Variants in FBXL4 observed in about 807,000 individuals in gnomAD.
FBXL4 encodes the protein F-box/LRR-repeat protein 4.
FBXL4 carries 40 observed loss-of-function variants against 58.9 expected under a neutral mutation model. The observed-to-expected ratio is 0.68, with a 90% CI of 0.53 to 0.88. The LOEUF is 0.88. Ranked by LOEUF, FBXL4 falls within the 40% of genes least tolerant of loss-of-function variation. The pLI is 0.00. For missense variants in FBXL4, 676 were observed against 734.4 expected, an observed-to-expected ratio of 0.92 and a Z score of 0.92; for synonymous variants, 263 against 265.5, an observed-to-expected ratio of 0.99 and a Z score of 0.09.
chr6:98,911,352 A>G (rs548956650), intron 5 of FBXL4, among the ~76,000 whole-genome samples: 1 of 152,264 alleles, frequency 6.6e-6, no homozygotes, highest in Non-Finnish European at 1.5e-5. Context: ...GCAGCTGGAG[A>G]TCTGAGAACG....
At chr6:98,876,649 A>G (rs560120691) in intron 8 of FBXL4, among the ~76,000 whole-genome samples, 1 of 152,198 alleles carries the variant, frequency 6.6e-6, no homozygotes, top group South Asian at 2.1e-4. Context: ...AAATACATTC[A>G]AAGAGTGACA....
chr6:98,922,649 T>C (rs1030215783), intron 4 of FBXL4, among the ~76,000 whole-genome samples: 3 of 152,206 alleles, frequency 2.0e-5, no homozygotes, highest in Non-Finnish European at 2.9e-5. Flanking sequence ...ACTGAGTTGC[T>C]TGAGTAATCA....
chr6:98,904,485 T>G (rs1419138387), intron 6 of FBXL4, among the ~76,000 whole-genome samples: 6 of 152,182 alleles, frequency 3.9e-5, no homozygotes, highest in African/African-American at 1.4e-4. Flanking sequence ...AAATCTTTAT[T>G]TCTGGAACTG....
rs1770420529 is a variant in FBXL4 at position 98,868,822 on chromosome 6, T to C, written c.*5456A>G. The C allele has an allele frequency of 6.6e-6, 1 of 152,230 alleles. No individual in the cohort carries two copies. Among genetic ancestry groups the C allele is most frequent in the African/African-American group, 2.4e-5 (1 of 41,462 alleles). 9.4% of individuals were successfully genotyped at this position (152,230 alleles called of 1,614,324 possible). On this transcript the variant is annotated 3_prime_UTR_variant, in exon 10 of 10. Coordinates refer to ENST00000369244, the MANE Select transcript of FBXL4 (RefSeq NM_001278716.2). ...TTAAAATATCCCTAAATGTCAATTT[T>C]AGCAGGACTACCTTTTTCCTTTCAA...
chr6:98,896,841 T>C, intron 7 of FBXL4: 3 of 984,956 alleles, frequency 3.0e-6, no homozygotes, highest in Non-Finnish European at 3.6e-6. Context: ...GGTACATATG[T>C]ATAAATTTCC....
chr6:98,916,990 T>C (rs1772383822), intron 5 of FBXL4, among the ~76,000 whole-genome samples: 1 of 152,122 alleles, frequency 6.6e-6, no homozygotes. Context: ...CACAATCTTA[T>C]TAATATTCTT....
intron 5 of FBXL4, among the ~76,000 whole-genome samples, chr6:98,916,010 A>G (rs1448031594): frequency 2.0e-4 from 29 of 145,286 alleles, no homozygotes; most frequent in South Asian, 8.9e-4. Context: ...GGTGAAGGAT[A>G]TGAACAGACA....
chr6:98,902,531 G>A (rs1771652821), intron 6 of FBXL4, among the ~76,000 whole-genome samples: 1 of 152,052 alleles, frequency 6.6e-6, no homozygotes, highest in Non-Finnish European at 1.5e-5. Context: ...TTAGCTCTAT[G>A]TCAAAATACC....
intron 4 of FBXL4, among the ~76,000 whole-genome samples, chr6:98,925,827 A>C (rs992004407): frequency 1.3e-5 from 2 of 152,212 alleles, no homozygotes; most frequent in African/African-American, 4.8e-5. Context: ...TGAGCTGATA[A>C]AAGTGGTTTC....
At chr6:98,941,459 T>C (rs1773429717) in intron 1 of FBXL4, among the ~76,000 whole-genome samples, 1 of 152,186 alleles carries the variant, frequency 6.6e-6, no homozygotes, top group African/African-American at 2.4e-5. Context: ...AAGGAATTTT[T>C]AGGATGATGT....
intron 1 of FBXL4, among the ~76,000 whole-genome samples, chr6:98,940,601 G>T: frequency 6.6e-6 from 1 of 151,924 alleles, no homozygotes; most frequent in Admixed American, 6.6e-5. Flanking sequence ...CTTCTTTAGT[G>T]CAGTGTCTAT....
At chr6:98,936,815 AC>A (rs2128410902) in intron 1 of FBXL4, among the ~76,000 whole-genome samples, 1 of 152,258 alleles carries the variant, frequency 6.6e-6, no homozygotes, top group South Asian at 2.1e-4. Context: ...GGGGATTGGC[AC>A]CCCTAACCTT....
chr6:98,885,023 A>G (rs1770988351), intron 7 of FBXL4, among the ~76,000 whole-genome samples: 1 of 152,212 alleles, frequency 6.6e-6, no homozygotes, highest in African/African-American at 2.4e-5. Context: ...GTCACTTTCA[A>G]TATTACATTT....
At chr6:98,905,738 A>G (rs1771786878) in intron 5 of FBXL4, 68 bp from the exon 6 acceptor site, 1 of 1,459,612 alleles carries the variant, frequency 6.9e-7, no homozygotes, top group African/African-American at 1.4e-5. Context: ...AACATATAAC[A>G]TAATCTAATA....
Position 98,922,962 on chromosome 6 carries a change from AT to A in FBXL4, c.512+3514del, listed in dbSNP as rs370837732. On this transcript the variant is annotated intron_variant, in intron 4 of 9. Coordinates refer to ENST00000369244, the MANE Select transcript of FBXL4 (RefSeq NM_001278716.2). ...CCACCTGAACTCCATTCACATGCAC[AT>A]CCCCCATCTCATCAGTTCTATGTGC... Among the ~76,000 whole-genome samples, 56 of 152,286 alleles carry A rather than the reference AT, an allele frequency of 3.7e-4. No individual in the cohort carries two copies. In the East Asian group the frequency reaches 9.8e-3, roughly 27 times the overall value.
intron 2 of FBXL4, among the ~76,000 whole-genome samples, 153 bp downstream of exon 2, chr6:98,934,609 G>A (rs1773137451): frequency 6.6e-6 from 1 of 152,128 alleles, no homozygotes; most frequent in Admixed American, 6.5e-5. Flanking sequence ...ATCTAACAGT[G>A]TCAGCATGGA....
At chr6:98,923,532 C>T (rs1035596258) in intron 4 of FBXL4, among the ~76,000 whole-genome samples, 1 of 152,186 alleles carries the variant, frequency 6.6e-6, no homozygotes, top group Admixed American at 6.5e-5. Context: ...GCTGTTGTCT[C>T]TCCTCCTTTC....
chr6:98,940,469 T>C (rs1326674792), intron 1 of FBXL4, among the ~76,000 whole-genome samples: 1 of 152,230 alleles, frequency 6.6e-6, no homozygotes, highest in Non-Finnish European at 1.5e-5. Context: ...CATCAATAGT[T>C]AATATTGTCA....
At chr6:98,911,451 C>G (rs1693045734) in intron 5 of FBXL4, among the ~76,000 whole-genome samples, 1 of 152,168 alleles carries the variant, frequency 6.6e-6, no homozygotes, top group Non-Finnish European at 1.5e-5. Flanking sequence ...AGACTGACAC[C>G]TCACACGGCC....
Sources: gnomAD v4.1 joint callset for allele counts (sites outside exome capture counted in the v4.1 genomes callset) on GRCh38, gnomAD v4.1.1 for gene constraint, MANE v1.5 for transcripts, NCBI Gene and HGNC (gene_info 2026-07-23, HGNC 2026-07-21) for gene names.